COG7: variants seen among roughly 807,000 people sequenced by gnomAD.
COG7 encodes the protein conserved oligomeric Golgi complex subunit 7.
A neutral mutation model predicts 91.5 loss-of-function variants in COG7; 49 were observed. The ratio of observed to expected loss-of-function variants is 0.54; its 90% CI spans 0.43 to 0.68. The LOEUF (loss-of-function observed/expected upper bound fraction) is 0.68. Ranked by LOEUF, COG7 falls within the 30% of genes least tolerant of loss-of-function variation. The pLI is 0.00. For synonymous variants in COG7, 365 were observed against 388.7 expected (o/e 0.94, Z 0.72); for missense variants, 895 against 961.3 (o/e 0.93, Z 0.91).
In COG7 at chr16:23,403,808, C is replaced by A. The variant is rs1297660202; in HGVS notation, c.1689G>T (p.Leu563=). ...LKEKGSSNHN[L]LAAPRAALTR... Reference sequence around the variant, plus strand: ...TCAGCGCTGCTCGAGGTGCAGCCAGCAGGTTGTGGTTGCTTGACCCTTTTT... The same window carrying A: ...TCAGCGCTGCTCGAGGTGCAGCCAGAAGGTTGTGGTTGCTTGACCCTTTTT... Residue 563 remains leucine (L), a synonymous_variant, in exon 13 of 17, where the codon CTG becomes CTT. Transcript: ENST00000307149. The A allele has an allele frequency of 1.2e-6, 2 of 1,614,120 alleles. No individual in the cohort carries two copies. The highest frequency in any genetic ancestry group is 1.3e-5 in the African/African-American group (1 of 74,946).
At chr16:23,452,798 C>T (rs992730298) in intron 1 of COG7, 28 bp downstream of exon 1, 10 of 1,598,080 alleles carry the variant, frequency 6.3e-6, no homozygotes, top group Non-Finnish European at 8.5e-6. Flanking sequence ...AGGGGAGGGT[C>T]CCGCGGCCAG....
chr16:23,416,915 G>A (rs1331777395), intron 9 of COG7, 52 bp downstream of exon 9: 8 of 1,609,446 alleles, frequency 5.0e-6, no homozygotes, highest in Non-Finnish European at 6.8e-6. Flanking sequence ...TTTTATCTGG[G>A]ACAGACACTG....
chr16:23,444,621 A>G (rs192401837), intron 3 of COG7, among the ~76,000 whole-genome samples: 40 of 150,522 alleles, frequency 2.7e-4, no homozygotes, highest in Non-Finnish European at 5.2e-4. Flanking sequence ...CTCCCACCTC[A>G]GCCTCCTGAG....
chr16:23,396,295 T>C (rs950775331), intron 14 of COG7, among the ~76,000 whole-genome samples: 2 of 152,218 alleles, frequency 1.3e-5, no homozygotes, highest in Admixed American at 6.5e-5. Context: ...TCTTCAACTT[T>C]AGAATCAACT....
intron 7 of COG7, among the ~76,000 whole-genome samples, chr16:23,420,166 G>T (rs1596933641): frequency 6.6e-6 from 1 of 152,178 alleles, no homozygotes; most frequent in Non-Finnish European, 1.5e-5. Context: ...CATAGCCCAG[G>T]CATTCCAAAA....
At chr16:23,389,107 C>A (rs1358600107) in intron 16 of COG7, 21 bp from the exon 17 acceptor site, 1 of 1,612,424 alleles carries the variant, frequency 6.2e-7, no homozygotes, top group Admixed American at 1.7e-5. Context: ...GGAGAGGAGA[C>A]AGACAGAGCT....
At chr16:23,433,050 A>G (rs1409278563) in intron 6 of COG7, among the ~76,000 whole-genome samples, 5 of 152,112 alleles carry the variant, frequency 3.3e-5, no homozygotes, top group Admixed American at 6.5e-5. Context: ...ACTGACGTGG[A>G]TTTCTAAGCT....
chr16:23,393,325 A>G lies in COG7; in HGVS notation c.1910T>C (p.Leu637Pro). 6.2e-7 allele frequency: 1 copy of G among 1,612,880 alleles called. No homozygotes were observed. The highest frequency in any genetic ancestry group is 8.5e-7 in the Non-Finnish European group (1 of 1,178,912). Residue 637 changes from leucine to proline, a missense_variant, in exon 15 of 17, where the codon CTC becomes CCC. Coordinates refer to ENST00000307149, the MANE Select transcript of COG7 (RefSeq NM_153603.4). ...ISNIGQYIMS[L>P]PLNLEPFVTQ... is the part of the protein sequence containing the mutation. The stretch of plus-strand genomic sequence containing the variant: ...CACAAATGGCTCAAGATTCAGGGGG[A>G]GGGACATGATGTACTGCCCGATCTG...
intron 14 of COG7, among the ~76,000 whole-genome samples, chr16:23,396,144 C>T (rs1963281872): frequency 6.6e-6 from 1 of 152,214 alleles, no homozygotes; most frequent in Admixed American, 6.5e-5. Flanking sequence ...TGTCTCTGCA[C>T]ACAGTACGTG....
chr16:23,442,343 A>G (rs1316175982), intron 4 of COG7, 134 bp downstream of exon 4: 1 of 934,218 alleles, frequency 1.1e-6, no homozygotes, highest in African/African-American at 1.7e-5. Flanking sequence ...CAAAAAAAAA[A>G]AAAAAAAAAA....
At chr16:23,410,080 AC>A (rs1356122390) in intron 11 of COG7, among the ~76,000 whole-genome samples, 5 of 152,192 alleles carry the variant, frequency 3.3e-5, no homozygotes, top group African/African-American at 9.6e-5. Context: ...AAATTACGTG[AC>A]CCCTGCCAAG....
At chr16:23,424,616 T>C (rs894084060) in intron 7 of COG7, 133 bp downstream of exon 7, 8 of 932,720 alleles carry the variant, frequency 8.6e-6, no homozygotes, top group African/African-American at 1.6e-5. Context: ...CCACATCTGC[T>C]GAGAAGGAAA....
chr16:23,422,250 C>T (rs1471278317), intron 7 of COG7, among the ~76,000 whole-genome samples: 1 of 151,776 alleles, frequency 6.6e-6, no homozygotes, highest in Admixed American at 6.6e-5. Flanking sequence ...AGGTTCAAGG[C>T]TACAGTAAGC....
At chr16:23,434,427 G>A (rs1197593234) in intron 5 of COG7, among the ~76,000 whole-genome samples, 3 of 152,148 alleles carry the variant, frequency 2.0e-5, no homozygotes, top group African/African-American at 7.2e-5. Flanking sequence ...ACAGAAAAGA[G>A]AATGAAAACG....
Position 23,389,540 on chromosome 16 carries a change from G to A in COG7, c.2147-454C>T, listed in dbSNP as rs540036243. On this transcript the variant is annotated intron_variant, in intron 16 of 16. Coordinates refer to ENST00000307149, the MANE Select transcript of COG7 (RefSeq NM_153603.4). ...TGACCTCACCCAAAGCTCTGTTCTG[G>A]GGACTCCTGGGTTCCAAGCCCTGGC... is the stretch of plus-strand genomic sequence containing the variant. Among the ~76,000 whole-genome samples the A allele has an allele frequency of 2.6e-5, 4 of 152,188 alleles. No individual in the cohort carries two copies. The South Asian group carries it at 8.3e-4, about 32-fold the overall frequency.
chr16:23,417,578 T>G (rs1264592396), intron 8 of COG7, among the ~76,000 whole-genome samples: 1 of 151,700 alleles, frequency 6.6e-6, no homozygotes, highest in Non-Finnish European at 1.5e-5. Context: ...ACCAGCCTGG[T>G]CAACATGGCG....
At chr16:23,411,888 T>TC (rs1338584612) in intron 10 of COG7, among the ~76,000 whole-genome samples, 1 of 151,824 alleles carries the variant, frequency 6.6e-6, no homozygotes, top group East Asian at 1.9e-4. Context: ...ATTGCTTTTT[T>TC]TTTTTTTTTT....
intron 4 of COG7, among the ~76,000 whole-genome samples, chr16:23,441,626 G>A (rs1005073730): frequency 6.6e-6 from 1 of 152,104 alleles, no homozygotes; most frequent in South Asian, 2.1e-4. Flanking sequence ...CCATTTACGA[G>A]TGGGCTTTTG....
intron 4 of COG7, 149 bp downstream of exon 4, chr16:23,442,328 C>T (rs1485028453): frequency 2.9e-5 from 21 of 730,042 alleles, no homozygotes; most frequent in South Asian, 1.0e-4. Flanking sequence ...AGAAAGACTC[C>T]GTCTCAAAAA....
Sources: allele counts gnomAD v4.1 joint callset (sites outside exome capture counted in the v4.1 genomes callset), GRCh38; gene constraint gnomAD v4.1.1; transcripts MANE v1.5; gene names NCBI Gene and HGNC (gene_info 2026-07-23, HGNC 2026-07-21).